Variants in APBB1 observed in about 807,000 individuals in gnomAD.
APBB1 encodes the protein adaptor protein FE65a2.
Under a neutral mutation model 78.4 loss-of-function variants are expected in APBB1, and 22 were observed. The observed-to-expected ratio is 0.28, with a 90% CI of 0.20 to 0.40. The LOEUF is 0.40. Among genes scored for constraint, APBB1 ranks in the 10% least tolerant of loss-of-function variants. The pLI is 1.00. For synonymous variants in APBB1, 369 were observed against 372.7 expected (o/e 0.99, Z 0.12); for missense variants, 749 against 932.4 (o/e 0.80, Z 2.56).
chr11:6,413,110 C>T (rs1849020832), intron 1 of APBB1, among the ~76,000 whole-genome samples: 1 of 152,038 alleles, frequency 6.6e-6, no homozygotes, highest in African/African-American at 2.4e-5. Flanking sequence ...TCTCCCTGGA[C>T]CCTCACCAGC....
chr11:6,404,693 T>C (rs1413795299), intron 2 of APBB1: 1 of 1,535,934 alleles, frequency 6.5e-7, no homozygotes, highest in Admixed American at 2.0e-5. Context: ...CTAACTCTTC[T>C]CTCCCTGTCA....
At position 6,402,090 on chromosome 11, in the gene APBB1, G is replaced by A; in HGVS notation, c.1374C>T (p.Asp458=). ...ISIRVWGVGR[D]SGRERDFAYV... The stretch of plus-strand genomic sequence containing the variant: ...CCAAGCCCTATTCCCACCTTCCACT[G>A]TCCCGCCCGACGCCCCACACGCGGA... Residue 458 remains aspartate, a synonymous_variant, in exon 8 of 15, where the codon GAC becomes GAT. Transcript: ENST00000609360. 1 of 1,614,032 alleles carries A rather than the reference G, an allele frequency of 6.2e-7. No homozygotes were observed.
chr11:6,410,750 G>T lies in APBB1; in HGVS notation c.598C>A (p.Arg200=). The part of the protein sequence containing the change: ...PRPQALTDGP[R]EHSKSASLLF... ...AGGCTGGCACTCTTGCTGTGTTCCC[G>T]GGGGCCATCTGTAAGGGCTTGGGGC... Residue 200 remains arginine (R), a synonymous_variant, in exon 2 of 15, where the codon CGG becomes AGG. Transcript: ENST00000609360. 3 of 1,580,684 alleles carry T rather than the reference G, an allele frequency of 1.9e-6. No homozygotes were observed. In the South Asian group the frequency reaches 3.5e-5, roughly 19 times the overall value.
chr11:6,405,490 C>G (rs1210643378), intron 2 of APBB1: 4 of 986,618 alleles, frequency 4.1e-6, no homozygotes, highest in Non-Finnish European at 3.6e-6. Context: ...CCAGGGAAAC[C>G]AGGAATCCTG....
intron 12 of APBB1, among the ~76,000 whole-genome samples, chr11:6,397,507 A>C (rs1848292599): frequency 6.6e-6 from 1 of 152,244 alleles, no homozygotes; most frequent in Admixed American, 6.5e-5. Flanking sequence ...AATACAAAGC[A>C]AGAGAAGAGA....
chr11:6,408,620 T>C (rs1848882143), intron 2 of APBB1, among the ~76,000 whole-genome samples: 1 of 151,954 alleles, frequency 6.6e-6, no homozygotes, highest in Non-Finnish European at 1.5e-5. Context: ...TTCTCCTGCC[T>C]CAACCTCCCG....
chr11:6,408,309 A>AAAC (rs1318693719), intron 2 of APBB1, among the ~76,000 whole-genome samples: 1 of 152,152 alleles, frequency 6.6e-6, no homozygotes, highest in African/African-American at 2.4e-5. Flanking sequence ...GCAAAACTGC[A>AAAC]AACAACAACA....
At position 6,395,604 on chromosome 11, in the gene APBB1, G is replaced by T. The variant is rs764527857; in HGVS notation, c.2063C>A (p.Thr688Asn). The T allele has an allele frequency of 1.3e-6, 2 of 1,597,258 alleles. No homozygotes were observed. The highest frequency in any genetic ancestry group is 2.7e-5 in the African/African-American group (2 of 74,464). ...CAGCGACTGAACACCCCTGCGGACA[G>T]TCCACCCTACACGCCGTGCCACAGA... ...AESVARRVGW[T>N]VRRGVQSLWG... is the part of the protein sequence containing the mutation. Residue 688 changes from threonine to asparagine, a missense_variant, in exon 15 of 15, where the codon ACT becomes AAT. Physicochemically the swap from Thr to Asn is moderately conservative, Grantham distance 65 (BLOSUM62 0). Around this residue, in one of 3 missense-constraint regions of APBB1, gnomAD observed 96 missense variants for 116.0 expected, o/e 0.83. Transcript: ENST00000609360. This position sits in a 1 kb window ranked among gnomAD's most constrained non-coding sequence, Gnocchi z 5.2.
intron 12 of APBB1, among the ~76,000 whole-genome samples, chr11:6,397,885 G>C (rs1001059431): frequency 1.3e-5 from 2 of 152,256 alleles, no homozygotes; most frequent in African/African-American, 4.8e-5. Flanking sequence ...GTAAAACCAA[G>C]TGTCACAGAA....
intron 2 of APBB1, chr11:6,404,861 C>G (rs1848728244): frequency 6.5e-7 from 1 of 1,529,666 alleles, no homozygotes; most frequent in African/African-American, 1.4e-5. Context: ...GCCCAGCCAG[C>G]TGGGCTCACA....
In APBB1 at chr11:6,402,096, C is replaced by T. The variant is rs369371272; in HGVS notation, c.1368G>A (p.Gly456=). Residue 456 remains glycine, a synonymous_variant, in exon 8 of 15, where the codon GGG becomes GGA. Coordinates refer to ENST00000609360, the MANE Select transcript of APBB1 (RefSeq NM_001164.5). ...PIISIRVWGV[G]RDSGRERDFA... ...CCTATTCCCACCTTCCACTGTCCCG[C>T]CCGACGCCCCACACGCGGATGCTGA... 7 of 1,613,944 alleles carry T rather than the reference C, an allele frequency of 4.3e-6. No individual in the cohort carries two copies. The African/African-American group carries it at 6.7e-5, about 15-fold the overall frequency.
Position 6,410,936 on chromosome 11 carries a change from T to A in APBB1, c.412A>T (p.Ile138Phe). Residue 138 changes from isoleucine (I) to phenylalanine (F), a missense_variant, in exon 2 of 15, where the codon ATC becomes TTC. Ile to Phe is a conservative substitution (Grantham distance 21). Around this residue, in one of 3 missense-constraint regions of APBB1, gnomAD observed 635 missense variants for 765.0 expected, o/e 0.83. Transcript: ENST00000609360. Reference sequence around the variant, plus strand: ...GGCCCCTGCTCTTGAGTGCTGATGATCAGGCCAGGTCCTCGTAGGCCTCGG... The same window carrying A: ...GGCCCCTGCTCTTGAGTGCTGATGAACAGGCCAGGTCCTCGTAGGCCTCGG... ...ANRGLRGPGL[I>F]ISTQEQGPDE... The A allele has an allele frequency of 6.2e-7, 1 of 1,614,170 alleles. No individual in the cohort carries two copies. Among genetic ancestry groups the A allele is most frequent in the Non-Finnish European group, 8.5e-7 (1 of 1,180,036 alleles).
intron 1 of APBB1, among the ~76,000 whole-genome samples, chr11:6,415,878 C>T (rs1453439152): frequency 1.3e-5 from 2 of 152,184 alleles, no homozygotes; most frequent in Non-Finnish European, 1.5e-5. Context: ...ATAGGATCCA[C>T]GGTCTCCCAA....
intron 1 of APBB1, among the ~76,000 whole-genome samples, chr11:6,418,411 G>C (rs1183948205): frequency 6.6e-6 from 1 of 152,222 alleles, no homozygotes; most frequent in Non-Finnish European, 1.5e-5. Flanking sequence ...GGCGGAGAGA[G>C]CTGGGACTAT....
rs1848964895 is a variant in APBB1 at position 6,411,539 on chromosome 11, C to A, written c.-14-178G>T. Among the ~76,000 whole-genome samples the A allele has an allele frequency of 6.6e-6, 1 of 152,180 alleles. No individual in the cohort carries two copies. The highest frequency in any genetic ancestry group is 1.5e-5 in the Non-Finnish European group (1 of 68,010). On this transcript the variant is annotated intron_variant, in intron 1 of 14. Transcript: ENST00000609360. The surrounding 1 kb of genome is among the most constrained non-coding windows in gnomAD (Gnocchi z 5.2). ...TCAACTTCTGTCCCAGCACTATCAT[C>A]CCCATCACAGTCCAGGCCCAGGTCT...
chr11:6,418,402 GC>G (rs1849173166), intron 1 of APBB1, among the ~76,000 whole-genome samples: 1 of 152,224 alleles, frequency 6.6e-6, no homozygotes, highest in South Asian at 2.1e-4. Flanking sequence ...ACTCTGAAGG[GC>G]GGAGAGAGCT....
intron 2 of APBB1, among the ~76,000 whole-genome samples, chr11:6,410,225 C>A (rs1848923121): frequency 6.6e-6 from 1 of 152,208 alleles, no homozygotes; most frequent in Non-Finnish European, 1.5e-5. Flanking sequence ...TAATCTCAGC[C>A]TGTCTGTGGT....
chr11:6,413,324 G>T (rs961497275), intron 1 of APBB1, among the ~76,000 whole-genome samples: 2 of 152,106 alleles, frequency 1.3e-5, no homozygotes, highest in East Asian at 3.9e-4. Flanking sequence ...ACTGCACTGT[G>T]CTCTTTCTCA....
chr11:6,401,226 T>G lies in APBB1; in HGVS notation c.1588+119A>C. On this transcript the variant is annotated intron_variant, in intron 11 of 14. Transcript: ENST00000609360. This position sits in a 1 kb window ranked among gnomAD's most constrained non-coding sequence, Gnocchi z 4.5. ...ACCGGAGTCCCTCCACGTATTGGAG[T>G]ATTCAGTCTTCATGTGTTCATTTTT... 1 of 1,610,292 alleles carries G rather than the reference T, an allele frequency of 6.2e-7. No homozygotes were observed. The highest frequency in any genetic ancestry group is 8.5e-7 in the Non-Finnish European group (1 of 1,178,256).
Sources: allele counts gnomAD v4.1 joint callset (sites outside exome capture counted in the v4.1 genomes callset), GRCh38; gene constraint gnomAD v4.1.1; regional missense constraint gnomAD v4.1.1; non-coding constraint Gnocchi (gnomAD v3.1); transcripts MANE v1.5; gene names NCBI Gene and HGNC (gene_info 2026-07-23, HGNC 2026-07-21).